GPR179: variants seen among roughly 807,000 people sequenced by gnomAD.
GPR179 encodes the protein probable G protein-coupled receptor 179.
A neutral mutation model predicts 70.8 loss-of-function variants in GPR179; 52 were observed. The observed-to-expected ratio is 0.73, with a 90% CI of 0.59 to 0.93. GPR179 has a LOEUF of 0.93. Ranked by LOEUF, GPR179 falls within the 40% of genes least tolerant of loss-of-function variation. The pLI, the probability that GPR179 is intolerant of heterozygous loss-of-function variation, is 0.00. For missense variants in GPR179, 2,734 were observed against 2,966.8 expected (o/e 0.92, Z 1.82); for synonymous variants, 1,123 against 1,169.0 (o/e 0.96, Z 0.80).
chr17:38,335,395 CT>C, intron 6 of GPR179, 124 bp from the exon 7 acceptor site: 1 of 850,486 alleles, frequency 1.2e-6, no homozygotes, highest in Non-Finnish European at 1.8e-6. Flanking sequence ...TCCTTCCATC[CT>C]TTTTGTGATT....
In GPR179 at chr17:38,324,611, C is replaced by T. The variant is rs2037267769; in HGVS notation, c.*1854G>A. ...CTTTATTTCCGCCCCGCCCCCCCCA[C>T]CCCATGGTTTATTTCACAAGAGTGT... On this transcript the variant is annotated 3_prime_UTR_variant, in exon 11 of 11. Coordinates refer to ENST00000616987, the MANE Select transcript of GPR179 (RefSeq NM_001004334.4). Among the ~76,000 whole-genome samples, 1 of 150,132 alleles carries T rather than the reference C, an allele frequency of 6.7e-6. No homozygotes were observed.
Position 38,327,116 on chromosome 17 carries a change from C to A in GPR179, c.6453G>T (p.Gly2151=), listed in dbSNP as rs1353252785. 6.2e-7 allele frequency: 1 copy of A among 1,614,244 alleles called. No homozygotes were observed. The highest frequency in any genetic ancestry group is 8.5e-7 in the Non-Finnish European group (1 of 1,180,044). Residue 2151 remains glycine (G), a synonymous_variant, in exon 11 of 11, where the codon GGG becomes GGT. Transcript: ENST00000616987. ...EEGEQERESQ[G]QGEMFLQKAG... ...CCTTCTGAAGGAACATCTCTCCTTG[C>A]CCTTGTGATTCTCTTTCCTGTTCCC... is the stretch of plus-strand genomic sequence containing the variant.
chr17:38,335,796 C>CA, intron 5 of GPR179, 96 bp from the exon 6 acceptor site: 2 of 787,006 alleles, frequency 2.5e-6, no homozygotes, highest in Non-Finnish European at 4.4e-6. Context: ...AACAGCCCTG[C>CA]AATAGAGCCA....
At chr17:38,331,772 G>A (rs1329266805) in intron 10 of GPR179, among the ~76,000 whole-genome samples, 1 of 152,142 alleles carries the variant, frequency 6.6e-6, no homozygotes, top group Non-Finnish European at 1.5e-5. Flanking sequence ...CCCTTCTCTG[G>A]GGCATTGTGG....
intron 10 of GPR179, among the ~76,000 whole-genome samples, chr17:38,332,314 C>T (rs868761242): frequency 6.6e-6 from 1 of 152,160 alleles, no homozygotes; most frequent in Non-Finnish European, 1.5e-5. Context: ...ATGATGGTTC[C>T]TAGACTCTGG....
intron 6 of GPR179, 115 bp from the exon 7 acceptor site, chr17:38,335,386 C>G: frequency 1.2e-6 from 1 of 853,806 alleles, no homozygotes; most frequent in Non-Finnish European, 1.8e-6. Context: ...AGGTACTTGT[C>G]CTTCCATCCT....
Position 38,334,999 on chromosome 17 carries a change from C to G in GPR179, c.1645+34G>C. 6.3e-7 allele frequency: 1 copy of G among 1,590,988 alleles called. No individual in the cohort carries two copies. The highest frequency in any genetic ancestry group is 8.6e-7 in the Non-Finnish European group (1 of 1,161,490). On this transcript the variant is annotated intron_variant, in intron 7 of 10. Coordinates refer to ENST00000616987, the MANE Select transcript of GPR179 (RefSeq NM_001004334.4). The surrounding 1 kb of genome is among the most constrained non-coding windows in gnomAD (Gnocchi z 4.7). ...ACCCTGGAGGCACAGAGGCAGGGACCAGCGTAAGGCTGGGCTCAGCAGAAG... is the reference window on the plus strand; with the variant it reads ...ACCCTGGAGGCACAGAGGCAGGGACGAGCGTAAGGCTGGGCTCAGCAGAAG...
At chr17:38,342,842 G>A (rs76020787) in intron 1 of GPR179, among the ~76,000 whole-genome samples, 154 bp downstream of exon 1, 1,538 of 152,358 alleles carry the variant, frequency 0.01, 37 homozygotes, top group African/African-American at 0.035. Context: ...AGAGCCGACT[G>A]TAAGTACACA....
Position 38,339,425 on chromosome 17 carries a change from T to C in GPR179, c.895A>G (p.Ser299Gly). The C allele has an allele frequency of 6.2e-7, 1 of 1,608,304 alleles. No homozygotes were observed. Among genetic ancestry groups the C allele is most frequent in the Non-Finnish European group, 8.5e-7 (1 of 1,174,776 alleles). Residue 299 changes from serine to glycine, a missense_variant, in exon 2 of 11, where the codon AGC (serine) becomes GGC (glycine). Ser to Gly is a moderately conservative substitution (Grantham distance 56, BLOSUM62 0). Coordinates refer to ENST00000616987, the MANE Select transcript of GPR179 (RefSeq NM_001004334.4). Reference sequence around the variant, plus strand: ...ATCCTCCTCATCCTTACCTGGGTGCTGTTGAGATCACACAGGTGTGTGTTA... The same window carrying C: ...ATCCTCCTCATCCTTACCTGGGTGCCGTTGAGATCACACAGGTGTGTGTTA... ...YSNTHLCDLN[S>G]TQCVPLESQG...
At position 38,327,088 on chromosome 17, in the gene GPR179, C is replaced by G. The variant is rs1262208939; in HGVS notation, c.6481G>C (p.Gly2161Arg). ...AAGTGTTCTTCCGTCCCTCCAGGTCCTGCCTTCTGAAGGAACATCTCTCCT... is the reference window on the plus strand; with the variant it reads ...AAGTGTTCTTCCGTCCCTCCAGGTCGTGCCTTCTGAAGGAACATCTCTCCT... ...GQGEMFLQKA[G>R]PGGTEEHFSK... The change falls in exon 11 of 11, where the codon GGA (glycine) becomes CGA (arginine). Residue 2161 changes from glycine (G) to arginine (R), a missense_variant. By Grantham distance (125) the Gly-to-Arg change is moderately radical. Coordinates refer to ENST00000616987, the MANE Select transcript of GPR179 (RefSeq NM_001004334.4). 2.5e-6 allele frequency: 4 copies of G among 1,614,244 alleles called. No individual in the cohort carries two copies. The highest frequency in any genetic ancestry group is 3.4e-6 in the Non-Finnish European group (4 of 1,180,040).
chr17:38,328,483 T>G lies in GPR179; in HGVS notation c.5086A>C (p.Asn1696His), dbSNP rs1299260488. Residue 1696 changes from asparagine (N) to histidine (H), a missense_variant, in exon 11 of 11, where the codon AAC becomes CAC. Coordinates refer to ENST00000616987, the MANE Select transcript of GPR179 (RefSeq NM_001004334.4). ...ATTTCTGCCTTCCCAGCAGTCAAGTTTTCCTCCACATCCAAAGGGCAAATG... is the reference window on the plus strand; with the variant it reads ...ATTTCTGCCTTCCCAGCAGTCAAGTGTTCCTCCACATCCAAAGGGCAAATG... ...ADICPLDVEE[N>H]LTAGKAEICP... 8 of 1,609,740 alleles carry G rather than the reference T, an allele frequency of 5.0e-6. No homozygotes were observed. Among genetic ancestry groups the G allele is most frequent in the African/African-American group, 4.1e-5 (3 of 73,382 alleles).
At position 38,326,285 on chromosome 17, in the gene GPR179, T is replaced by C; in HGVS notation, c.*180A>G. ...GTAAAGAGAGGGTGGGCCTTCCCAT[T>C]GGGGTCTAAGCTGTACCCTTTTCAT... On this transcript the variant is annotated 3_prime_UTR_variant, in exon 11 of 11. Coordinates refer to ENST00000616987, the MANE Select transcript of GPR179 (RefSeq NM_001004334.4). 1 of 539,292 alleles carries C rather than the reference T, an allele frequency of 1.9e-6. No individual in the cohort carries two copies. The highest frequency in any genetic ancestry group is 3.3e-6 in the Non-Finnish European group (1 of 306,742). The allele number at this position is 539,292 out of a possible 1,614,324, so 33.4% of individuals were successfully genotyped here.
rs1048471964 is a variant in GPR179, at chr17:38,343,882, C to G, written c.-93G>C. ...CTGGGGGCTGTCGGCCTCCACGCCT[C>G]CTATGCTGGCGTTCCTTCTTCCTCT... On this transcript the variant is annotated 5_prime_UTR_variant, in exon 1 of 11. Coordinates refer to ENST00000616987, the MANE Select transcript of GPR179 (RefSeq NM_001004334.4). This position sits in a 1 kb window ranked among gnomAD's most constrained non-coding sequence, Gnocchi z 4.2. The G allele has an allele frequency of 7.9e-5, 80 of 1,015,944 alleles. 1 individual carries two copies. In the Middle Eastern group the frequency reaches 1.3e-3, roughly 17 times the overall value. 62.9% of individuals were successfully genotyped at this position (1,015,944 alleles called of 1,614,324 possible).
chr17:38,326,971 G>T lies in GPR179; in HGVS notation c.6598C>A (p.Leu2200Met). 1.9e-6 allele frequency: 3 copies of T among 1,614,090 alleles called. No homozygotes were observed. Among genetic ancestry groups the T allele is most frequent in the Non-Finnish European group, 2.5e-6 (3 of 1,180,042 alleles). ...SGGLLPQSGA[L>M]DPELKVSPKE... is the part of the protein sequence containing the mutation. ...GGGCTGACTTTGAGTTCTGGGTCCA[G>T]GGCACCTGACTGGGGCAAGAGCCCT... Residue 2200 changes from leucine to methionine, a missense_variant, in exon 11 of 11, where the codon CTG (leucine) becomes ATG (methionine). By Grantham distance (15) the Leu-to-Met change is conservative. Transcript: ENST00000616987.
In GPR179 at chr17:38,337,695, A is replaced by C; in HGVS notation, c.929T>G (p.Phe310Cys). 6.2e-7 allele frequency: 1 copy of C among 1,613,814 alleles called. No homozygotes were observed. The highest frequency in any genetic ancestry group is 1.3e-5 in the African/African-American group (1 of 75,042). ...GCGGCAGAGGTAGCGGCCAAGAACA[A>C]AGCCCTGACTCTCCAGGGGGACACA... ...TQCVPLESQG[F>C]VLGRYLCRCR... The change falls in exon 3 of 11, where the codon TTT (phenylalanine) becomes TGT (cysteine). Residue 310 changes from phenylalanine to cysteine, a missense_variant. Phe to Cys is a radical substitution (Grantham distance 205, BLOSUM62 -2). Coordinates refer to ENST00000616987, the MANE Select transcript of GPR179 (RefSeq NM_001004334.4).
chr17:38,326,067 T>G lies in GPR179; in HGVS notation c.*398A>C, dbSNP rs576024580. The G allele has an allele frequency of 5.7e-5, 11 of 193,164 alleles. No homozygotes were observed. Among genetic ancestry groups the G allele is most frequent in the Non-Finnish European group, 1.0e-4 (10 of 95,544 alleles). The allele number at this position is 193,164 out of a possible 1,614,324, so 12.0% of individuals were successfully genotyped here. On this transcript the variant is annotated 3_prime_UTR_variant, in exon 11 of 11. Coordinates refer to ENST00000616987, the MANE Select transcript of GPR179 (RefSeq NM_001004334.4). ...TCTCAAAAAATGCTCCATCGTAGACTTCAGAGAATTGGGTCCCCCTGTGAG... is the reference window on the plus strand; with the variant it reads ...TCTCAAAAAATGCTCCATCGTAGACGTCAGAGAATTGGGTCCCCCTGTGAG...
At chr17:38,339,559 G>T in intron 1 of GPR179, 34 bp from the exon 2 acceptor site, 1 of 1,452,558 alleles carries the variant, frequency 6.9e-7, no homozygotes, top group Non-Finnish European at 9.7e-7. Flanking sequence ...GGGGCACAGT[G>T]ATTGATGCCA....
At chr17:38,336,017 C>A in intron 5 of GPR179, 59 bp downstream of exon 5, 4 of 1,216,894 alleles carry the variant, frequency 3.3e-6, no homozygotes, top group Non-Finnish European at 4.9e-6. Flanking sequence ...TTGGAGGGTG[C>A]CAGGTTTTGG....
intron 1 of GPR179, among the ~76,000 whole-genome samples, chr17:38,342,465 G>T (rs2037457327): frequency 6.6e-6 from 1 of 151,848 alleles, no homozygotes; most frequent in Admixed American, 6.6e-5. Flanking sequence ...TCAGCCTCCT[G>T]AGTAGCTGGG....
Sources: allele counts gnomAD v4.1 joint callset (sites outside exome capture counted in the v4.1 genomes callset), GRCh38; gene constraint gnomAD v4.1.1; non-coding constraint Gnocchi (gnomAD v3.1); transcripts MANE v1.5; gene names NCBI Gene and HGNC (gene_info 2026-07-23, HGNC 2026-07-21).